Variants in CECR2 observed in about 807,000 individuals in gnomAD.
CECR2 encodes the protein CECR2 histone acetyl-lysine reader, also known as chromatin remodeling regulator CECR2.
A neutral mutation model predicts 154.5 loss-of-function variants in CECR2; 30 were observed. That is an observed-to-expected ratio of 0.19 (90% CI 0.15 to 0.26). CECR2 has a LOEUF of 0.26. Among genes scored for constraint, CECR2 ranks in the 10% least tolerant of loss-of-function variants. The pLI, the probability that CECR2 is intolerant of heterozygous loss-of-function variation, is 1.00. For synonymous variants in CECR2, 725 were observed against 683.7 expected (o/e 1.06, Z -0.94); for missense variants, 1,743 against 1,829.3 (o/e 0.95, Z 0.86).
In CECR2 at chr22:17,554,375, G is replaced by T. The variant is rs945700405; in HGVS notation, c.*1535G>T. ...TCTGCCCTAGTTTCTTATAAATTCA[G>T]CTGTGGGAGGGGCCAGTAGAGTGTT... is the stretch of plus-strand genomic sequence containing the variant. On this transcript the variant is annotated 3_prime_UTR_variant, in exon 19 of 19. Coordinates refer to ENST00000262608, the MANE Select transcript of CECR2 (RefSeq NM_001290047.2). 1 of 152,182 alleles carries T rather than the reference G, an allele frequency of 6.6e-6. No individual in the cohort carries two copies. The highest frequency in any genetic ancestry group is 1.5e-5 in the Non-Finnish European group (1 of 68,044). 9.4% of individuals were successfully genotyped at this position (152,182 alleles called of 1,614,324 possible). A position where few individuals can be genotyped will look rare whatever the true frequency, so the allele number is the denominator to read the frequency against.
At chr22:17,527,499 G>A (rs2056284639) in intron 9 of CECR2, among the ~76,000 whole-genome samples, 1 of 151,264 alleles carries the variant, frequency 6.6e-6, no homozygotes, top group South Asian at 2.1e-4. Context: ...AGGTGTGGTG[G>A]CTCATGCTTG....
chr22:17,408,953 CTG>C (rs1447774719), intron 1 of CECR2, among the ~76,000 whole-genome samples: 1 of 152,188 alleles, frequency 6.6e-6, no homozygotes, highest in East Asian at 1.9e-4. Flanking sequence ...CTAGCTTTAG[CTG>C]TATCAGCTTT....
At chr22:17,539,815 T>G (rs1404224480) in intron 13 of CECR2, among the ~76,000 whole-genome samples, 1 of 152,126 alleles carries the variant, frequency 6.6e-6, no homozygotes, top group Non-Finnish European at 1.5e-5. Flanking sequence ...AAGAATTAAA[T>G]TTTTACTGGC....
Position 17,558,028 on chromosome 22 carries a change from A to T in CECR2, c.*5188A>T, listed in dbSNP as rs577608292. The T allele has an allele frequency of 6.6e-5, 10 of 152,326 alleles. No individual in the cohort carries two copies. In the East Asian group the frequency reaches 1.5e-3, roughly 23 times the overall value. The allele number at this position is 152,326 out of a possible 1,614,324, so 9.4% of individuals were successfully genotyped here. On this transcript the variant is annotated 3_prime_UTR_variant, in exon 19 of 19. Coordinates refer to ENST00000262608, the MANE Select transcript of CECR2 (RefSeq NM_001290047.2). The stretch of plus-strand genomic sequence containing the variant: ...CGACACTTACCTCAATAGTTAGTTC[A>T]ATATTGTGTGTTGGATAATTTTTTA...
At chr22:17,398,933 A>G (rs148565493) in intron 1 of CECR2, among the ~76,000 whole-genome samples, 1 of 152,330 alleles carries the variant, frequency 6.6e-6, no homozygotes, top group East Asian at 1.9e-4. Context: ...GACAGGTTGA[A>G]TCAGGTGATA....
chr22:17,457,742 C>G (rs572803636), intron 1 of CECR2, among the ~76,000 whole-genome samples: 60 of 152,242 alleles, frequency 3.9e-4, no homozygotes, highest in African/African-American at 1.3e-3. Flanking sequence ...TCTCAAGTTG[C>G]AAAAACCCAG....
At chr22:17,410,129 G>T (rs143177349) in intron 1 of CECR2, among the ~76,000 whole-genome samples, 1 of 150,852 alleles carries the variant, frequency 6.6e-6, no homozygotes, top group Non-Finnish European at 1.5e-5. Flanking sequence ...TTACAGGCAC[G>T]CACCACCACA....
intron 1 of CECR2, among the ~76,000 whole-genome samples, chr22:17,472,720 A>G (rs2518759): frequency 0.011 from 1,670 of 152,332 alleles, 13 homozygotes; most frequent in South Asian, 0.028. Context: ...AAGATTAATG[A>G]AAATTTATAC....
At chr22:17,442,838 C>T (rs770510827) in intron 1 of CECR2, among the ~76,000 whole-genome samples, 41 of 152,156 alleles carry the variant, frequency 2.7e-4, no homozygotes, top group Non-Finnish European at 4.9e-4. Context: ...TGAGCCACCG[C>T]GCCTGGCCAA....
intron 9 of CECR2, among the ~76,000 whole-genome samples, chr22:17,536,042 A>C (rs1458932301): frequency 3.3e-5 from 5 of 152,112 alleles, no homozygotes; most frequent in Non-Finnish European, 7.4e-5. Context: ...TGAGGTCACG[A>C]GTTCGAGACC....
rs1601543188 is a variant in CECR2 at position 17,542,761 on chromosome 22, T to C, written c.2618T>C (p.Val873Ala). Residue 873 changes from valine to alanine, a missense_variant, in exon 16 of 19, where the codon GTG (valine) becomes GCG (alanine). Val to Ala is a moderately conservative substitution (Grantham distance 64). Transcript: ENST00000262608. ...GCACCTGCCCAGGCTCTTCGGGGGG[T>C]GCAGGGAGGGGACTCCATGATGGAC... ...FGAPAQALRGVQGGDSMMDSP... is the reference protein window; with the variant it reads ...FGAPAQALRGAQGGDSMMDSP... 1 of 1,613,686 alleles carries C rather than the reference T, an allele frequency of 6.2e-7. No individual in the cohort carries two copies. The highest frequency in any genetic ancestry group is 8.5e-7 in the Non-Finnish European group (1 of 1,179,812).
chr22:17,531,273 T>C (rs1455570378), intron 9 of CECR2, among the ~76,000 whole-genome samples: 1 of 152,114 alleles, frequency 6.6e-6, no homozygotes, highest in African/African-American at 2.4e-5. Context: ...GGTGGGGGGC[T>C]GCAGCCCCAC....
At position 17,542,544 on chromosome 22, in the gene CECR2, C is replaced by A; in HGVS notation, c.2401C>A (p.Gln801Lys). ...KPHLGPGPSH[Q>K]PRTLGHVMDS... ...CCACCTGGGGCCAGGACCCTCTCAC[C>A]AGCCTCGCACTCTCGGTCACGTGAT... The change falls in exon 16 of 19, where the codon CAG becomes AAG. Residue 801 changes from glutamine (Q) to lysine (K), a missense_variant. Around this residue, in one of 4 missense-constraint regions of CECR2, gnomAD observed 1,250 missense variants for 1,192.1 expected, o/e 1.05. Transcript: ENST00000262608. 1 of 1,614,006 alleles carries A rather than the reference C, an allele frequency of 6.2e-7. No individual in the cohort carries two copies. The highest frequency in any genetic ancestry group is 8.5e-7 in the Non-Finnish European group (1 of 1,179,882).
intron 1 of CECR2, among the ~76,000 whole-genome samples, chr22:17,444,026 C>T (rs1406665215): frequency 1.3e-5 from 2 of 152,230 alleles, no homozygotes; most frequent in East Asian, 3.8e-4. Flanking sequence ...AGGCTTCACC[C>T]TTCCTCCCAG....
intron 1 of CECR2, among the ~76,000 whole-genome samples, chr22:17,364,370 T>A (rs1431793083): frequency 9.1e-6 from 1 of 110,084 alleles, no homozygotes; most frequent in Non-Finnish European, 2.0e-5. Flanking sequence ...AAAGAATTTG[T>A]GCCATACTTG....
chr22:17,537,187 T>C lies in CECR2; in HGVS notation c.1193T>C (p.Leu398Pro), dbSNP rs765937949. The change falls in exon 10 of 19, where the codon CTG (leucine) becomes CCG (proline). Residue 398 changes from leucine to proline, a missense_variant. Around this residue, in one of 4 missense-constraint regions of CECR2, gnomAD observed 292 missense variants for 301.2 expected, o/e 0.97. Coordinates refer to ENST00000262608, the MANE Select transcript of CECR2 (RefSeq NM_001290047.2). The part of the protein sequence containing the change: ...GKELPPELSH[L>P]DPNSPMREEK... ...GAGCTCCCTCCAGAACTTTCCCATCTGGACCCCAATTCCCCCATGAGAGAG... is the reference window on the plus strand; with the variant it reads ...GAGCTCCCTCCAGAACTTTCCCATCCGGACCCCAATTCCCCCATGAGAGAG... 6.2e-7 allele frequency: 1 copy of C among 1,613,984 alleles called. No individual in the cohort carries two copies. Among genetic ancestry groups the C allele is most frequent in the Non-Finnish European group, 8.5e-7 (1 of 1,179,860 alleles).
At chr22:17,539,689 A>T (rs199852287) in intron 13 of CECR2, among the ~76,000 whole-genome samples, 25 of 151,996 alleles carry the variant, frequency 1.6e-4, no homozygotes, top group African/African-American at 4.8e-4. Context: ...TATATATATA[A>T]AAAAAAGGAA....
At chr22:17,386,015 A>G (rs2063256062) in intron 1 of CECR2, among the ~76,000 whole-genome samples, 1 of 152,182 alleles carries the variant, frequency 6.6e-6, no homozygotes, top group Admixed American at 6.5e-5. Context: ...ATTACCCTAC[A>G]TCATGTAAGC....
Position 17,553,066 on chromosome 22 carries a change from C to A in CECR2, c.*226C>A. 2 of 1,038,838 alleles carry A rather than the reference C, an allele frequency of 1.9e-6. No individual in the cohort carries two copies. Among genetic ancestry groups the A allele is most frequent in the Non-Finnish European group, 2.5e-6 (2 of 784,750 alleles). 64.4% of individuals were successfully genotyped at this position (1,038,838 alleles called of 1,614,324 possible). A position where few individuals can be genotyped will look rare whatever the true frequency, so the allele number is the denominator to read the frequency against. ...GGTCCTCGGCCAGGGATCTCTTGCA[C>A]AGCTGATGTAGACAGTCAGGCAAAA... On this transcript the variant is annotated 3_prime_UTR_variant, in exon 19 of 19. Transcript: ENST00000262608.
Sources: gnomAD v4.1 joint callset for allele counts (sites outside exome capture counted in the v4.1 genomes callset) on GRCh38, gnomAD v4.1.1 for gene constraint, gnomAD v4.1.1 regional missense constraint, MANE v1.5 for transcripts, NCBI Gene and HGNC (gene_info 2026-07-23, HGNC 2026-07-21) for gene names.